ELL2: variants seen among roughly 807,000 people sequenced by gnomAD.
ELL2 encodes elongation factor for RNA polymerase II 2, also known as RNA polymerase II elongation factor ELL2.
Under a neutral mutation model 72.8 loss-of-function variants are expected in ELL2, and 21 were observed. The observed-to-expected ratio is 0.29, with a 90% confidence interval of 0.20 to 0.42. The LOEUF is 0.42. Among genes scored for constraint, ELL2 ranks in the 10% least tolerant of loss-of-function variants. The pLI is 1.00. For synonymous variants in ELL2, 266 were observed against 283.2 expected (o/e 0.94, Z 0.61); for missense variants, 568 against 772.8 (o/e 0.73, Z 3.14).
intron 9 of ELL2, among the ~76,000 whole-genome samples, chr5:95,893,735 C>T (rs570413680): frequency 6.6e-6 from 1 of 152,260 alleles, no homozygotes; most frequent in African/African-American, 2.4e-5. Context: ...TATGAGGCAA[C>T]TTAAGTTCTG....
intron 2 of ELL2, among the ~76,000 whole-genome samples, chr5:95,921,541 T>C (rs753401040): frequency 6.6e-6 from 1 of 152,236 alleles, no homozygotes; most frequent in Non-Finnish European, 1.5e-5. Flanking sequence ...TAGGTAGGTA[T>C]TCATCAGGCT....
At chr5:95,901,868 T>C (rs1561492496) in intron 5 of ELL2, among the ~76,000 whole-genome samples, 1 of 152,222 alleles carries the variant, frequency 6.6e-6, no homozygotes, top group Non-Finnish European at 1.5e-5. Context: ...AACAAAGGGA[T>C]GATTCACATC....
At chr5:95,935,287 T>C (rs572917753) in intron 2 of ELL2, among the ~76,000 whole-genome samples, 2 of 152,340 alleles carry the variant, frequency 1.3e-5, no homozygotes, top group South Asian at 2.1e-4. Context: ...CATTGTTGTA[T>C]ATTATTCCAC....
At position 95,918,186 on chromosome 5, in the gene ELL2, T is replaced by G. The variant is rs533308906; in HGVS notation, c.317+1238A>C. Among the ~76,000 whole-genome samples, 3 of 152,394 alleles carry G rather than the reference T, an allele frequency of 2.0e-5. No individual in the cohort carries two copies. In the South Asian group the frequency reaches 6.2e-4, roughly 32 times the overall value. On this transcript the variant is annotated intron_variant, in intron 3 of 11. Coordinates refer to ENST00000237853, the MANE Select transcript of ELL2 (RefSeq NM_012081.6). ...TGCAAGAGTGAAAATGTTATATAAC[T>G]GTGCTGTCTACTATGATAGTAACAG...
chr5:95,891,166 A>G lies in ELL2; in HGVS notation c.1698T>C (p.Ala566=). Residue 566 remains alanine (A), a synonymous_variant, in exon 10 of 12, where the codon GCT becomes GCC. Coordinates refer to ENST00000237853, the MANE Select transcript of ELL2 (RefSeq NM_012081.6). ...RALHARMETV[A]RRFIKLDAQR... ...GTGCATCTAGTTTGATAAATCTTCT[A>G]GCTACAGTCTCCATCCTGGCATGCA... is the stretch of plus-strand genomic sequence containing the variant. 2 of 1,614,206 alleles carry G rather than the reference A, an allele frequency of 1.2e-6. No homozygotes were observed. The highest frequency in any genetic ancestry group is 1.7e-6 in the Non-Finnish European group (2 of 1,180,040).
intron 3 of ELL2, among the ~76,000 whole-genome samples, chr5:95,915,789 AAAG>A (rs1158396374): frequency 9.2e-5 from 14 of 152,264 alleles, no homozygotes; most frequent in African/African-American, 3.1e-4. Flanking sequence ...GGAAGAGCAA[AAAG>A]AAGGTTTTCA....
At chr5:95,898,216 C>A in intron 8 of ELL2, 24 bp downstream of exon 8, 3 of 1,556,336 alleles carry the variant, frequency 1.9e-6, no homozygotes, top group Non-Finnish European at 1.7e-6. Flanking sequence ...GCATGCACTT[C>A]TGGTTCATCT....
At chr5:95,907,202 G>A (rs1203595013) in intron 4 of ELL2, among the ~76,000 whole-genome samples, 1 of 150,738 alleles carries the variant, frequency 6.6e-6, no homozygotes, top group Admixed American at 6.6e-5. Flanking sequence ...TCTTGGCTGA[G>A]CATTACGTTA....
intron 1 of ELL2, among the ~76,000 whole-genome samples, chr5:95,950,904 G>GTA (rs869036736): frequency 0.025 from 1,141 of 46,308 alleles, 16 homozygotes; most frequent in Non-Finnish European, 0.036. Flanking sequence ...GTATGTATGT[G>GTA]TATATATATA....
chr5:95,935,426 C>T (rs1750738371), intron 2 of ELL2, among the ~76,000 whole-genome samples: 1 of 152,102 alleles, frequency 6.6e-6, no homozygotes, highest in South Asian at 2.1e-4. Flanking sequence ...GTCATGCTTT[C>T]AGTATTCATA....
intron 9 of ELL2, among the ~76,000 whole-genome samples, chr5:95,893,111 T>G (rs1342627031): frequency 6.6e-6 from 1 of 152,214 alleles, no homozygotes; most frequent in Non-Finnish European, 1.5e-5. Context: ...TATTTAATAA[T>G]TTCCTTAGGG....
Position 95,902,500 on chromosome 5 carries a change from A to T in ELL2, c.742-1420T>A, listed in dbSNP as rs981890372. 5.3e-5 allele frequency among the ~76,000 whole-genome samples: 8 copies of T among 152,218 alleles called. No homozygotes were observed. The East Asian group carries it at 1.3e-3, about 26-fold the overall frequency. ...TCACGTGCCAAACCAAAAGTAATTAATTTTTAAGGCTAGGAGAAAATTACT... is the reference window on the plus strand; with the variant it reads ...TCACGTGCCAAACCAAAAGTAATTATTTTTTAAGGCTAGGAGAAAATTACT... On this transcript the variant is annotated intron_variant, in intron 5 of 11. Transcript: ENST00000237853.
At position 95,960,464 on chromosome 5, in the gene ELL2, A is replaced by G. The variant is rs190086075; in HGVS notation, c.147+1111T>C. ...ATGAAAGCGTCTGGATTTGTAGTCC[A>G]ATTACAGTGTATGTGCGCCTATCTG... On this transcript the variant is annotated intron_variant, in intron 1 of 11. Coordinates refer to ENST00000237853, the MANE Select transcript of ELL2 (RefSeq NM_012081.6). Among the ~76,000 whole-genome samples the G allele has an allele frequency of 5.7e-4, 86 of 151,892 alleles. No individual in the cohort carries two copies. The South Asian group carries it at 7.1e-3, about 12-fold the overall frequency.
At chr5:95,896,098 A>G (rs933661777) in intron 8 of ELL2, among the ~76,000 whole-genome samples, 1 of 152,248 alleles carries the variant, frequency 6.6e-6, no homozygotes, top group African/African-American at 2.4e-5. Flanking sequence ...AAGGCGGATG[A>G]GACAATAGAG....
chr5:95,938,037 C>T (rs1217153039), intron 2 of ELL2, among the ~76,000 whole-genome samples: 1 of 152,158 alleles, frequency 6.6e-6, no homozygotes, highest in African/African-American at 2.4e-5. Flanking sequence ...TGCCTACTAA[C>T]TTCAAATACT....
At chr5:95,959,627 T>A (rs916097282) in intron 1 of ELL2, among the ~76,000 whole-genome samples, 4 of 152,188 alleles carry the variant, frequency 2.6e-5, no homozygotes, top group Admixed American at 2.6e-4. Flanking sequence ...GAGTAGCTAT[T>A]GGCACATGCA....
intron 5 of ELL2, 69 bp from the exon 6 acceptor site, chr5:95,901,149 C>A: frequency 6.7e-7 from 1 of 1,485,386 alleles, no homozygotes; most frequent in Non-Finnish European, 9.0e-7. Context: ...AACAGGCAAC[C>A]TTTAGGATTT....
In ELL2 at chr5:95,887,483, C is replaced by T. The variant is rs1342170558; in HGVS notation, c.*1388G>A. ...AAACAGATTTGTAAACATAATGCTT[C>T]CCTTTTCAACTGGCAGCACTTTGAA... is the stretch of plus-strand genomic sequence containing the variant. On this transcript the variant is annotated 3_prime_UTR_variant, in exon 12 of 12. Transcript: ENST00000237853. 6.6e-6 allele frequency: 1 copy of T among 152,642 alleles called. No homozygotes were observed. The highest frequency in any genetic ancestry group is 1.5e-5 in the Non-Finnish European group (1 of 68,032). The allele number at this position is 152,642 out of a possible 1,614,324, so 9.5% of individuals were successfully genotyped here. A position where few individuals can be genotyped will look rare whatever the true frequency, so the allele number is the denominator to read the frequency against.
At chr5:95,927,744 CATATGTGTGTATATAG>C (rs1750428005) in intron 2 of ELL2, among the ~76,000 whole-genome samples, 1 of 78,786 alleles carries the variant, frequency 1.3e-5, no homozygotes, top group Non-Finnish European at 2.3e-5. Flanking sequence ...TACACACACA[CATATGTGTGTATATAG>C]ACATACACAC....
Sources: allele counts gnomAD v4.1 joint callset (sites outside exome capture counted in the v4.1 genomes callset), GRCh38; gene constraint gnomAD v4.1.1; transcripts MANE v1.5; gene names NCBI Gene and HGNC (gene_info 2026-07-23, HGNC 2026-07-21).